TRIM26: variants seen among roughly 807,000 people sequenced by gnomAD.
TRIM26 encodes the protein tripartite motif containing 26, also known as tripartite motif-containing protein 26.
In TRIM26, 16 loss-of-function variants were observed where a neutral mutation model predicts 45.5. The observed-to-expected ratio is 0.35, with a 90% CI of 0.24 to 0.53. TRIM26 has a LOEUF of 0.53. Among genes scored for constraint, TRIM26 ranks in the 20% least tolerant of loss-of-function variants. The pLI, the probability that TRIM26 is intolerant of heterozygous loss-of-function variation, is 0.92. For synonymous variants in TRIM26, 273 were observed against 290.4 expected, an observed-to-expected ratio of 0.94 and a Z score of 0.61; for missense variants, 442 against 691.1, an observed-to-expected ratio of 0.64 and a Z score of 4.04.
In TRIM26 at chr6:30,185,857, T is replaced by TG; in HGVS notation, c.*18dup. On this transcript the variant is annotated 3_prime_UTR_variant, in exon 10 of 10. Coordinates refer to ENST00000454678, the MANE Select transcript of TRIM26 (RefSeq NM_003449.5). This position sits in a 1 kb window ranked among gnomAD's most constrained non-coding sequence, Gnocchi z 5.7. ...AAGTGAAGCATCTGAGGGTTGGGGC[T>TG]GGGGGCAGATGTCAGGGCTCAGGGT... The TG allele has an allele frequency of 3.1e-6, 5 of 1,596,900 alleles. No individual in the cohort carries two copies. Among genetic ancestry groups the TG allele is most frequent in the Non-Finnish European group, 4.3e-6 (5 of 1,170,270 alleles).
chr6:30,189,963 G>A lies in TRIM26; in HGVS notation c.788+50C>T, dbSNP rs1173541544. On this transcript the variant is annotated intron_variant, in intron 7 of 9. Coordinates refer to ENST00000454678, the MANE Select transcript of TRIM26 (RefSeq NM_003449.5). The surrounding 1 kb of genome is among the most constrained non-coding windows in gnomAD (Gnocchi z 5.0). ...CAAATGCACCTGGTCAGAAGCGGGGGAACATAAACAAGGGGGATGAGGTAC... is the reference window on the plus strand; with the variant it reads ...CAAATGCACCTGGTCAGAAGCGGGGAAACATAAACAAGGGGGATGAGGTAC... The A allele has an allele frequency of 3.1e-6, 5 of 1,609,294 alleles. No individual in the cohort carries two copies. Among genetic ancestry groups the A allele is most frequent in the Non-Finnish European group, 4.2e-6 (5 of 1,176,720 alleles).
At position 30,213,296 on chromosome 6, in the gene TRIM26, C is replaced by G. The variant is rs913394904; in HGVS notation, c.-376+9G>C. The G allele has an allele frequency of 6.6e-6, 1 of 152,356 alleles. No individual in the cohort carries two copies. The highest frequency in any genetic ancestry group is 1.5e-5 in the Non-Finnish European group (1 of 68,128). The allele number at this position is 152,356 out of a possible 1,614,324, so 9.4% of individuals were successfully genotyped here. Reference sequence around the variant, plus strand: ...TTCGCTGTATGTCTCATGTGCACCCCCTACTCACCGGTCCCGAGCTCCGGG... The same window carrying G: ...TTCGCTGTATGTCTCATGTGCACCCGCTACTCACCGGTCCCGAGCTCCGGG... On this transcript the variant is annotated intron_variant, in intron 1 of 9. Transcript: ENST00000454678.
rs1775094330 is a variant in TRIM26, at chr6:30,185,795, A to T, written c.*81T>A. 6 of 1,490,878 alleles carry T rather than the reference A, an allele frequency of 4.0e-6. No homozygotes were observed. The East Asian group carries it at 1.4e-4, about 34-fold the overall frequency. 92.4% of individuals were successfully genotyped at this position (1,490,878 alleles called of 1,614,324 possible). A position where few individuals can be genotyped will look rare whatever the true frequency, so the allele number is the denominator to read the frequency against. ...CCTGCTCCAGGTGCTTAGGCCAGGC[A>T]TCCCGTCCCCCCATTGAGAGTCCTG... On this transcript the variant is annotated 3_prime_UTR_variant, in exon 10 of 10. Transcript: ENST00000454678. This position sits in a 1 kb window ranked among gnomAD's most constrained non-coding sequence, Gnocchi z 5.7.
In TRIM26 at chr6:30,189,142, T is replaced by G. The variant is rs1429989272; in HGVS notation, c.937+25A>C. On this transcript the variant is annotated intron_variant, in intron 9 of 9. Coordinates refer to ENST00000454678, the MANE Select transcript of TRIM26 (RefSeq NM_003449.5). The surrounding 1 kb of genome is among the most constrained non-coding windows in gnomAD (Gnocchi z 5.0). ...GAGTTTTCTATATTTGATGTACATCTGGGAAACACCCTCTAGACACTCACC... is the reference window on the plus strand; with the variant it reads ...GAGTTTTCTATATTTGATGTACATCGGGGAAACACCCTCTAGACACTCACC... 1 of 1,607,500 alleles carries G rather than the reference T, an allele frequency of 6.2e-7. No individual in the cohort carries two copies. Among genetic ancestry groups the G allele is most frequent in the Admixed American group, 1.7e-5 (1 of 58,770 alleles).
At chr6:30,210,791 GTACT>G (rs1384035854) in intron 1 of TRIM26, among the ~76,000 whole-genome samples, 1 of 152,106 alleles carries the variant, frequency 6.6e-6, no homozygotes, top group Non-Finnish European at 1.5e-5. Flanking sequence ...ATCTTGTACT[GTACT>G]TACCCTTCTT....
Position 30,190,165 on chromosome 6 carries a change from G to A in TRIM26, c.766-130C>T, listed in dbSNP as rs373644424. 11 of 985,120 alleles carry A rather than the reference G, an allele frequency of 1.1e-5. 1 individual carries two copies. Among genetic ancestry groups the A allele is most frequent in the East Asian group, 1.0e-4 (4 of 38,520 alleles). 61.0% of individuals were successfully genotyped at this position (985,120 alleles called of 1,614,324 possible). ...ACAAATGTGGTCCCTTTTTTATGGA[G>A]CTGACATTCCAGTGGGGTCACTGCA... On this transcript the variant is annotated intron_variant, in intron 6 of 9. Coordinates refer to ENST00000454678, the MANE Select transcript of TRIM26 (RefSeq NM_003449.5). This position sits in a 1 kb window ranked among gnomAD's most constrained non-coding sequence, Gnocchi z 4.3.
chr6:30,187,494 T>C (rs541937451), intron 9 of TRIM26: 2 of 524,076 alleles, frequency 3.8e-6, no homozygotes, highest in South Asian at 2.9e-5. Context: ...AGTAACTTCA[T>C]CCCCTTTTGC....
intron 1 of TRIM26, among the ~76,000 whole-genome samples, chr6:30,208,924 G>C (rs1375303752): frequency 4.6e-5 from 7 of 151,450 alleles, no homozygotes; most frequent in Admixed American, 1.3e-4. Flanking sequence ...GTGTGTGTGT[G>C]TGTGTGTGTG....
In TRIM26 at chr6:30,189,848, T is replaced by A; in HGVS notation, c.788+165A>T. On this transcript the variant is annotated intron_variant, in intron 7 of 9. Coordinates refer to ENST00000454678, the MANE Select transcript of TRIM26 (RefSeq NM_003449.5). This position sits in a 1 kb window ranked among gnomAD's most constrained non-coding sequence, Gnocchi z 5.0. ...CATAAGGAGGAGAGCAAGTCTCCAG[T>A]TCTCAATGATGTGTCCTGCTCCTCA... 1.3e-6 allele frequency: 1 copy of A among 791,218 alleles called. No homozygotes were observed. Among genetic ancestry groups the A allele is most frequent in the Non-Finnish European group, 2.1e-6 (1 of 487,254 alleles). 49.0% of individuals were successfully genotyped at this position (791,218 alleles called of 1,614,324 possible). A position where few individuals can be genotyped will look rare whatever the true frequency, so the allele number is the denominator to read the frequency against.
Position 30,186,241 on chromosome 6 carries a change from A to T in TRIM26, c.1255T>A (p.Leu419Met), listed in dbSNP as rs750845890. 6.2e-7 allele frequency: 1 copy of T among 1,600,164 alleles called. No homozygotes were observed. Among genetic ancestry groups the T allele is most frequent in the East Asian group, 2.3e-5 (1 of 44,104 alleles). ...DWETDEDEES[L>M]GDEEEEEEEE... ...TCCTCTTCTTCCTCTTCATCGCCCAACGATTCCTCATCTTCGTCCGTTTCC... is the reference window on the plus strand; with the variant it reads ...TCCTCTTCTTCCTCTTCATCGCCCATCGATTCCTCATCTTCGTCCGTTTCC... Residue 419 changes from leucine (L) to methionine (M), a missense_variant, in exon 10 of 10, where the codon TTG (leucine) becomes ATG (methionine). Leu to Met is a conservative substitution (Grantham distance 15). Coordinates refer to ENST00000454678, the MANE Select transcript of TRIM26 (RefSeq NM_003449.5). This position sits in a 1 kb window ranked among gnomAD's most constrained non-coding sequence, Gnocchi z 7.4.
Position 30,189,335 on chromosome 6 carries a change from G to T in TRIM26, c.904+83C>A, listed in dbSNP as rs766608386. 1.7e-5 allele frequency: 26 copies of T among 1,566,008 alleles called. No individual in the cohort carries two copies. Among genetic ancestry groups the T allele is most frequent in the Non-Finnish European group, 1.7e-5 (19 of 1,137,612 alleles). On this transcript the variant is annotated intron_variant, in intron 8 of 9. Transcript: ENST00000454678. The surrounding 1 kb of genome is among the most constrained non-coding windows in gnomAD (Gnocchi z 5.0). ...CCTCAGAAGAGTGAGGATCGACAAG[G>T]TGATGGAAAGGAGCTGGGTGCGCTC... is the stretch of plus-strand genomic sequence containing the variant.
chr6:30,210,803 C>A (rs921607642), intron 1 of TRIM26, among the ~76,000 whole-genome samples: 6 of 152,146 alleles, frequency 3.9e-5, no homozygotes, highest in African/African-American at 1.4e-4. Context: ...ACTTACCCTT[C>A]TTGTGATGAA....
At position 30,184,570 on chromosome 6, in the gene TRIM26, G is replaced by C. The variant is rs1332041024; in HGVS notation, c.*1306C>G. On this transcript the variant is annotated 3_prime_UTR_variant, in exon 10 of 10. Coordinates refer to ENST00000454678, the MANE Select transcript of TRIM26 (RefSeq NM_003449.5). ...CGCCCTCCAGGAGCTTACAAAACTA[G>C]AGGCAGAAATAAGATGTACATGTGA... 1.3e-5 allele frequency: 2 copies of C among 152,610 alleles called. No individual in the cohort carries two copies. Among genetic ancestry groups the C allele is most frequent in the African/African-American group, 4.8e-5 (2 of 41,448 alleles). The allele number at this position is 152,610 out of a possible 1,614,324, so 9.5% of individuals were successfully genotyped here.
chr6:30,188,937 G>GC (rs1037333319), intron 9 of TRIM26, among the ~76,000 whole-genome samples: 3 of 152,186 alleles, frequency 2.0e-5, no homozygotes, highest in African/African-American at 7.2e-5. Flanking sequence ...AAAAAGAAAA[G>GC]CAAACACAGG....
At chr6:30,197,875 C>T (rs1053087825) in intron 5 of TRIM26, among the ~76,000 whole-genome samples, 1 of 151,286 alleles carries the variant, frequency 6.6e-6, no homozygotes, top group Non-Finnish European at 1.5e-5. Flanking sequence ...TGGGTAAATT[C>T]GCCGCTACGG....
chr6:30,194,253 T>C (rs1009796394), intron 6 of TRIM26, among the ~76,000 whole-genome samples: 1 of 151,500 alleles, frequency 6.6e-6, no homozygotes, highest in Admixed American at 6.6e-5. Flanking sequence ...TATTCATCCA[T>C]AATAAATTTG....
At position 30,185,730 on chromosome 6, in the gene TRIM26, C is replaced by T. The variant is rs1275567791; in HGVS notation, c.*146G>A. On this transcript the variant is annotated 3_prime_UTR_variant, in exon 10 of 10. Coordinates refer to ENST00000454678, the MANE Select transcript of TRIM26 (RefSeq NM_003449.5). This position sits in a 1 kb window ranked among gnomAD's most constrained non-coding sequence, Gnocchi z 5.7. ...AGCACTGAGTGAGATTTCAGGGGGCCACAGCAATGGGGAGGTGGCTACCAG... is the reference window on the plus strand; with the variant it reads ...AGCACTGAGTGAGATTTCAGGGGGCTACAGCAATGGGGAGGTGGCTACCAG... The T allele has an allele frequency of 1.2e-5, 10 of 869,120 alleles. No homozygotes were observed. The highest frequency in any genetic ancestry group is 1.6e-5 in the Non-Finnish European group (9 of 570,886). The allele number at this position is 869,120 out of a possible 1,614,324, so 53.8% of individuals were successfully genotyped here.
At chr6:30,194,629 G>A (rs1425318795) in intron 6 of TRIM26, among the ~76,000 whole-genome samples, 2 of 152,184 alleles carry the variant, frequency 1.3e-5, no homozygotes, top group African/African-American at 4.8e-5. Flanking sequence ...GCTGAGGCAG[G>A]CGATCACCTG....
rs1326951550 is a variant in TRIM26 at position 30,196,928 on chromosome 6, C to T, written c.535-182G>A. On this transcript the variant is annotated intron_variant, in intron 5 of 9. Transcript: ENST00000454678. The surrounding 1 kb of genome is among the most constrained non-coding windows in gnomAD (Gnocchi z 4.9). ...ACACTCCGCTTCTCAAAGAAGACTC[C>T]AGTAATGAATTAGTTCAGTTCACCC... Among the ~76,000 whole-genome samples the T allele has an allele frequency of 1.3e-5, 2 of 152,154 alleles. No homozygotes were observed. The highest frequency in any genetic ancestry group is 2.4e-5 in the African/African-American group (1 of 41,428).
Sources: gnomAD v4.1 joint callset for allele counts (sites outside exome capture counted in the v4.1 genomes callset) on GRCh38, gnomAD v4.1.1 for gene constraint, Gnocchi (gnomAD v3.1) non-coding constraint, MANE v1.5 for transcripts, NCBI Gene and HGNC (gene_info 2026-07-23, HGNC 2026-07-21) for gene names.